MAS1: variants seen among roughly 807,000 people sequenced by gnomAD.
MAS1 encodes the protein proto-oncogene Mas.
For synonymous variants in MAS1, 163 were observed against 164.2 expected (o/e 0.99, Z 0.05); for missense variants, 387 against 409.7 (o/e 0.94, Z 0.48).
rs1782996703 is a variant in MAS1, at chr6:159,914,277, CCCTGAGTTTTCACAGT to C, written c.*6348_*6363del. 1 of 151,908 alleles carries C rather than the reference CCCTGAGTTTTCACAGT, an allele frequency of 6.6e-6. No individual in the cohort carries two copies. Among genetic ancestry groups the C allele is most frequent in the African/African-American group, 2.4e-5 (1 of 41,324 alleles). 9.4% of individuals were successfully genotyped at this position (151,908 alleles called of 1,614,324 possible). On this transcript the variant is annotated 3_prime_UTR_variant, in exon 3 of 3. Coordinates refer to ENST00000674077, the MANE Select transcript of MAS1 (RefSeq NM_002377.4). The stretch of plus-strand genomic sequence containing the variant: ...TATCTCTTTTGATGTTGTCGTTTTC[CCCTGAGTTTTCACAGT>C]CCTTGCACTTCACGTCGATCCCCGT...
intron 1 of MAS1, among the ~76,000 whole-genome samples, chr6:159,895,188 T>C (rs952111035): frequency 2.0e-5 from 3 of 152,100 alleles, no homozygotes; most frequent in African/African-American, 7.2e-5. Flanking sequence ...TGTGTGTATG[T>C]TGGGTGGGGC....
rs537765740 is a variant in MAS1, at chr6:159,911,636, T to G, written c.*3703T>G. 2.0e-5 allele frequency: 3 copies of G among 152,342 alleles called. No homozygotes were observed. In the South Asian group the frequency reaches 6.2e-4, roughly 32 times the overall value. The allele number at this position is 152,342 out of a possible 1,614,324, so 9.4% of individuals were successfully genotyped here. On this transcript the variant is annotated 3_prime_UTR_variant, in exon 3 of 3. Coordinates refer to ENST00000674077, the MANE Select transcript of MAS1 (RefSeq NM_002377.4). ...TATCCATCTACGTCCAGCTCAAGCATTAGAGACTCAGGAGAGCCTCTGGAA... is the reference window on the plus strand; with the variant it reads ...TATCCATCTACGTCCAGCTCAAGCAGTAGAGACTCAGGAGAGCCTCTGGAA...
chr6:159,905,733 T>C (rs1000515904), intron 2 of MAS1, among the ~76,000 whole-genome samples: 1 of 152,198 alleles, frequency 6.6e-6, no homozygotes, highest in Non-Finnish European at 1.5e-5. Flanking sequence ...AAGACAGATA[T>C]CTATTCACTA....
rs1782983841 is a variant in MAS1, at chr6:159,913,120, T to C, written c.*5187T>C. On this transcript the variant is annotated 3_prime_UTR_variant, in exon 3 of 3. Coordinates refer to ENST00000674077, the MANE Select transcript of MAS1 (RefSeq NM_002377.4). ...GCTCATGCCTGTAATCCCAGCACTT[T>C]GGGAGGCTGAGGTGAGCAGATCACC... The C allele has an allele frequency of 6.6e-6, 1 of 152,196 alleles. No homozygotes were observed. 9.4% of individuals were successfully genotyped at this position (152,196 alleles called of 1,614,324 possible). A position where few individuals can be genotyped will look rare whatever the true frequency, so the allele number is the denominator to read the frequency against.
At position 159,906,936 on chromosome 6, in the gene MAS1, T is replaced by A; in HGVS notation, c.-20T>A. On this transcript the variant is annotated 5_prime_UTR_variant, in exon 3 of 3. Coordinates refer to ENST00000674077, the MANE Select transcript of MAS1 (RefSeq NM_002377.4). ...TATTTACAGAAAATTACCTGAAGAG[T>A]TCCAACCTGAGGCCTCCTCATGGAT... 1.9e-6 allele frequency: 3 copies of A among 1,575,452 alleles called. No homozygotes were observed. The highest frequency in any genetic ancestry group is 2.6e-6 in the Non-Finnish European group (3 of 1,155,256).
upstream of MAS1, among the ~76,000 whole-genome samples, chr6:159,889,951 T>G (rs1251378623): frequency 6.6e-6 from 1 of 152,248 alleles, no homozygotes; most frequent in Non-Finnish European, 1.5e-5. Flanking sequence ...TGTGGGTTCC[T>G]ATGTCTGCTT....
At chr6:159,890,107 G>A (rs1205330427), upstream of MAS1, among the ~76,000 whole-genome samples, 1 of 152,204 alleles carries the variant, frequency 6.6e-6, no homozygotes, top group South Asian at 2.1e-4. Context: ...TTCAGGCTTG[G>A]GATCTCAGAC....
At chr6:159,890,260 A>G (rs1782681782), upstream of MAS1, among the ~76,000 whole-genome samples, 1 of 152,234 alleles carries the variant, frequency 6.6e-6, no homozygotes, top group African/African-American at 2.4e-5. Flanking sequence ...AACAACAACA[A>G]CAAAAACACA....
chr6:159,893,389 G>A (rs556186453), intron 1 of MAS1, among the ~76,000 whole-genome samples: 106 of 152,310 alleles, frequency 7.0e-4, no homozygotes, highest in African/African-American at 2.5e-3. Context: ...TCTCAGGGTA[G>A]GGGGCAGGGG....
At chr6:159,896,993 C>T (rs942662047) in intron 1 of MAS1, among the ~76,000 whole-genome samples, 2 of 152,136 alleles carry the variant, frequency 1.3e-5, no homozygotes, top group Non-Finnish European at 2.9e-5. Context: ...CCTGCCTCAG[C>T]CTCCCAAGCA....
chr6:159,896,975 G>T (rs1337112347), intron 1 of MAS1, among the ~76,000 whole-genome samples: 1 of 152,078 alleles, frequency 6.6e-6, no homozygotes, highest in African/African-American at 2.4e-5. Flanking sequence ...TCGGGTTCAC[G>T]CCATTCTCCT....
chr6:159,904,871 G>C (rs1454893738), intron 2 of MAS1, among the ~76,000 whole-genome samples: 1 of 152,178 alleles, frequency 6.6e-6, no homozygotes, highest in Non-Finnish European at 1.5e-5. Flanking sequence ...GCTGCCTCCT[G>C]CTTCTGGAAC....
At chr6:159,899,971 G>A (rs561490537) in intron 2 of MAS1, among the ~76,000 whole-genome samples, 3 of 152,206 alleles carry the variant, frequency 2.0e-5, no homozygotes, top group South Asian at 2.1e-4. Context: ...GCTTGAACTC[G>A]GGTGGGAGAG....
intron 2 of MAS1, among the ~76,000 whole-genome samples, chr6:159,903,398 A>T (rs1381514100): frequency 6.6e-6 from 1 of 152,170 alleles, no homozygotes; most frequent in African/African-American, 2.4e-5. Flanking sequence ...AGAGAAGCAC[A>T]GGTGAGGCTG....
intron 1 of MAS1, among the ~76,000 whole-genome samples, chr6:159,896,179 A>G (rs1782752150): frequency 1.3e-5 from 2 of 152,172 alleles, no homozygotes; most frequent in South Asian, 4.1e-4. Flanking sequence ...CATGGTGGCA[A>G]GTGCTCTAGT....
chr6:159,901,020 C>T (rs778913930), intron 2 of MAS1, among the ~76,000 whole-genome samples: 1 of 152,170 alleles, frequency 6.6e-6, no homozygotes, highest in Non-Finnish European at 1.5e-5. Context: ...ATCGAGGCAC[C>T]GTCAGGGCTG....
chr6:159,897,207 G>A (rs1327067388), intron 1 of MAS1, among the ~76,000 whole-genome samples: 1 of 152,136 alleles, frequency 6.6e-6, no homozygotes, highest in Admixed American at 6.6e-5. Flanking sequence ...ATAATTTGGT[G>A]TGTAGGGCAC....
rs1782977120 is a variant in MAS1, at chr6:159,912,623, A to G, written c.*4690A>G. 1 of 152,196 alleles carries G rather than the reference A, an allele frequency of 6.6e-6. No individual in the cohort carries two copies. The allele number at this position is 152,196 out of a possible 1,614,324, so 9.4% of individuals were successfully genotyped here. ...TTATATGGGAAAAAAAATCCTTGAT[A>G]TGAAAACATTAGCAAATGTATCACT... On this transcript the variant is annotated 3_prime_UTR_variant, in exon 3 of 3. Coordinates refer to ENST00000674077, the MANE Select transcript of MAS1 (RefSeq NM_002377.4).
At position 159,913,119 on chromosome 6, in the gene MAS1, T is replaced by A. The variant is rs1338674515; in HGVS notation, c.*5186T>A. On this transcript the variant is annotated 3_prime_UTR_variant, in exon 3 of 3. Coordinates refer to ENST00000674077, the MANE Select transcript of MAS1 (RefSeq NM_002377.4). ...GGCTCATGCCTGTAATCCCAGCACTTTGGGAGGCTGAGGTGAGCAGATCAC... is the reference window on the plus strand; with the variant it reads ...GGCTCATGCCTGTAATCCCAGCACTATGGGAGGCTGAGGTGAGCAGATCAC... 1 of 152,154 alleles carries A rather than the reference T, an allele frequency of 6.6e-6. No homozygotes were observed. Among genetic ancestry groups the A allele is most frequent in the Non-Finnish European group, 1.5e-5 (1 of 68,022 alleles). 9.4% of individuals were successfully genotyped at this position (152,154 alleles called of 1,614,324 possible).
Sources: allele counts gnomAD v4.1 joint callset (sites outside exome capture counted in the v4.1 genomes callset), GRCh38; gene constraint gnomAD v4.1.1; transcripts MANE v1.5; gene names NCBI Gene and HGNC (gene_info 2026-07-23, HGNC 2026-07-21).